NEMP2: variants seen among roughly 807,000 people sequenced by gnomAD.
The protein encoded by NEMP2 is nuclear envelope integral membrane protein 2, also known as UPF0571 transmembrane protein.
Under a neutral mutation model 54.2 loss-of-function variants are expected in NEMP2, and 53 were observed. The observed-to-expected ratio is 0.98, with a 90% CI of 0.78 to 1.23. The LOEUF (loss-of-function observed/expected upper bound fraction) is 1.23, where lower values mean the gene tolerates loss of function less well. Among genes scored for constraint, NEMP2 ranks in the 50% most tolerant of loss-of-function variants. The pLI is 0.00. For synonymous variants in NEMP2, 197 were observed against 190.3 expected (o/e 1.04, Z -0.29); for missense variants, 455 against 511.3 (o/e 0.89, Z 1.06).
chr2:190,492,927 A>G, the NEMP2 span, among the ~76,000 whole-genome samples: 1 of 152,154 alleles, frequency 6.6e-6, no homozygotes, highest in Non-Finnish European at 1.5e-5. The surrounding 1 kb of genome is among the most constrained non-coding windows in gnomAD (Gnocchi z 5.2). Context: ...GAACCTCTTT[A>G]AAGCATAAAT....
At chr2:190,535,020 G>A (rs892530525), upstream of NEMP2, 8 of 191,940 alleles carry the variant, frequency 4.2e-5, no homozygotes, top group African/African-American at 7.0e-5. Flanking sequence ...CTCGGCGCAG[G>A]GGTGGGAGTT....
At position 190,509,281 on chromosome 2, in the gene NEMP2, A is replaced by G. The variant is rs901012693; in HGVS notation, c.1162T>C (p.Leu388=). Residue 388 remains leucine (L), a synonymous_variant, in exon 9 of 9, where the codon TTG becomes CTG. Transcript: ENST00000409150. The surrounding 1 kb of genome is among the most constrained non-coding windows in gnomAD (Gnocchi z 6.1). ...TGCAGACTGATTTCTTCAGGTGACAAGTGGCTTCCTCCAAGAACAAAGTCT... is the reference window on the plus strand; with the variant it reads ...TGCAGACTGATTTCTTCAGGTGACAGGTGGCTTCCTCCAAGAACAAAGTCT... ...FADFVLGGSH[L]SPEEISLHEE... is the part of the protein sequence containing the mutation. 6.4e-7 allele frequency: 1 copy of G among 1,551,748 alleles called. No individual in the cohort carries two copies. The highest frequency in any genetic ancestry group is 8.7e-7 in the Non-Finnish European group (1 of 1,147,004).
At chr2:190,478,759 T>C in the NEMP2 span, among the ~76,000 whole-genome samples, 7 of 152,026 alleles carry the variant, frequency 4.6e-5, no homozygotes, top group East Asian at 1.4e-3. Flanking sequence ...TCTTTCATCA[T>C]TGGGCATCTT....
the NEMP2 span, among the ~76,000 whole-genome samples, chr2:190,576,171 A>G: frequency 2.0e-5 from 3 of 152,022 alleles, no homozygotes; most frequent in Non-Finnish European, 2.9e-5. Context: ...GGGTCTCGCT[A>G]TGCTGCCCAA....
the NEMP2 span, among the ~76,000 whole-genome samples, chr2:190,569,975 G>T: frequency 1.3e-5 from 2 of 152,186 alleles, no homozygotes; most frequent in Admixed American, 6.5e-5. Flanking sequence ...TCAGAGCTGG[G>T]CTGTGGTGAA....
chr2:190,619,593 A>G, the NEMP2 span, among the ~76,000 whole-genome samples: 1 of 152,044 alleles, frequency 6.6e-6, no homozygotes, highest in African/African-American at 2.4e-5. This position sits in a 1 kb window ranked among gnomAD's most constrained non-coding sequence, Gnocchi z 5.5. Context: ...TTTTTTTTAA[A>G]TGTTATGCTT....
At chr2:190,511,392 G>A (rs538273816) in intron 7 of NEMP2, among the ~76,000 whole-genome samples, 43 of 152,048 alleles carry the variant, frequency 2.8e-4, no homozygotes, top group African/African-American at 8.9e-4. Flanking sequence ...ATTACATGAC[G>A]AGTGGATCAT....
At chr2:190,602,964 A>T in the NEMP2 span, among the ~76,000 whole-genome samples, 1 of 152,210 alleles carries the variant, frequency 6.6e-6, no homozygotes, top group Non-Finnish European at 1.5e-5. Context: ...GTGGGCAGTG[A>T]CATCAGTGGT....
intron 1 of NEMP2, chr2:190,534,323 T>C (rs1482765831): frequency 4.2e-6 from 5 of 1,188,700 alleles, no homozygotes; most frequent in Admixed American, 4.5e-5. Flanking sequence ...GATCGCGCGG[T>C]TGCTTCTAAT....
At chr2:190,441,144 C>T in the NEMP2 span, among the ~76,000 whole-genome samples, 1 of 152,120 alleles carries the variant, frequency 6.6e-6, no homozygotes, top group Admixed American at 6.5e-5. Flanking sequence ...TCTCTTTGTG[C>T]CATCTTTGCT....
rs2125343647 is a variant in NEMP2 at position 190,528,549 on chromosome 2, A to C, written c.98-3171T>G. Among the ~76,000 whole-genome samples, 1 of 152,292 alleles carries C rather than the reference A, an allele frequency of 6.6e-6. No individual in the cohort carries two copies. The highest frequency in any genetic ancestry group is 2.1e-4 in the South Asian group (1 of 4,822). On this transcript the variant is annotated intron_variant, in intron 1 of 8. Transcript: ENST00000409150. This position sits in a 1 kb window ranked among gnomAD's most constrained non-coding sequence, Gnocchi z 4.3. ...CGGACCCAGCAGCCCAAACTATGAT[A>C]ATAATGTTTACTTCCAGACAGGTCT...
chr2:190,634,113 A>T, the NEMP2 span, among the ~76,000 whole-genome samples: 5 of 152,200 alleles, frequency 3.3e-5, no homozygotes, highest in African/African-American at 1.2e-4. The surrounding 1 kb of genome is among the most constrained non-coding windows in gnomAD (Gnocchi z 6.8). Context: ...GTAAGACTCC[A>T]GGTATTTACT....
At chr2:190,630,014 C>T in the NEMP2 span, among the ~76,000 whole-genome samples, 1 of 152,204 alleles carries the variant, frequency 6.6e-6, no homozygotes, top group Non-Finnish European at 1.5e-5. The surrounding 1 kb of genome is among the most constrained non-coding windows in gnomAD (Gnocchi z 5.5). Flanking sequence ...ACAAGCAGAC[C>T]ATCAAGAACC....
At chr2:190,500,006 T>C (rs1233858513), downstream of NEMP2, 1 of 1,614,072 alleles carries the variant, frequency 6.2e-7, no homozygotes, top group South Asian at 1.1e-5. The surrounding 1 kb of genome is among the most constrained non-coding windows in gnomAD (Gnocchi z 5.3). Flanking sequence ...TCCTGTTTTT[T>C]ACCTCCAGGG....
the NEMP2 span, among the ~76,000 whole-genome samples, chr2:190,577,413 C>A: frequency 6.6e-6 from 1 of 152,034 alleles, no homozygotes; most frequent in African/African-American, 2.4e-5. The surrounding 1 kb of genome is among the most constrained non-coding windows in gnomAD (Gnocchi z 4.8). Flanking sequence ...TATTTAGGTT[C>A]ACGTAAATAA....
the NEMP2 span, among the ~76,000 whole-genome samples, chr2:190,645,820 T>C: frequency 1.3e-5 from 2 of 152,280 alleles, no homozygotes; most frequent in African/African-American, 2.4e-5. Context: ...CATTCCTTAG[T>C]AGTTTTTATA....
the NEMP2 span, among the ~76,000 whole-genome samples, chr2:190,640,705 C>T: frequency 4.0e-5 from 6 of 151,232 alleles, no homozygotes; most frequent in African/African-American, 1.2e-4. Context: ...TCAAAGTATC[C>T]GCTCCTAGAA....
rs1355595243 is a variant in NEMP2 at position 190,525,333 on chromosome 2, G to A, written c.143C>T (p.Ser48Phe). Residue 48 changes from serine to phenylalanine, a missense_variant, in exon 2 of 9, where the codon TCT becomes TTT. Ser to Phe is a radical substitution (Grantham distance 155). Around this residue, in one of 3 missense-constraint regions of NEMP2, gnomAD observed 100 missense variants for 80.2 expected, o/e 1.25. Transcript: ENST00000409150. The surrounding 1 kb of genome is among the most constrained non-coding windows in gnomAD (Gnocchi z 5.0). ...ALKEKDLIRT[S>F]ESDCYCYNQN... The stretch of plus-strand genomic sequence containing the variant: ...ATTGTAGCAGTAACAGTCTGACTCA[G>A]ACGTTCTAATTAAATCTTTTTCCTT... 2.3e-5 allele frequency: 36 copies of A among 1,550,612 alleles called. No individual in the cohort carries two copies. Among genetic ancestry groups the A allele is most frequent in the Non-Finnish European group, 3.1e-5 (35 of 1,146,334 alleles).
the NEMP2 span, among the ~76,000 whole-genome samples, chr2:190,648,686 C>T: frequency 2.0e-5 from 3 of 151,594 alleles, no homozygotes; most frequent in Admixed American, 2.0e-4. Flanking sequence ...CGGCGTTCCC[C>T]ACCCGTCTCC....
Sources: gnomAD v4.1 joint callset for allele counts (sites outside exome capture counted in the v4.1 genomes callset) on GRCh38, gnomAD v4.1.1 for gene constraint, gnomAD v4.1.1 regional missense constraint, Gnocchi (gnomAD v3.1) non-coding constraint, MANE v1.5 for transcripts, NCBI Gene and HGNC (gene_info 2026-07-23, HGNC 2026-07-21) for gene names.